Variants in FAT3 observed in about 807,000 individuals in gnomAD.
FAT3 encodes protocadherin Fat 3.
FAT3 carries 95 observed loss-of-function variants against 310.2 expected under a neutral mutation model. The observed-to-expected ratio is 0.31, with a 90% confidence interval of 0.26 to 0.36. The LOEUF is 0.36. FAT3 is among the 10% of genes least tolerant of loss of function. The pLI, the probability that FAT3 is intolerant of heterozygous loss-of-function variation, is 1.00. For missense variants in FAT3, 5,408 were observed against 5,715.6 expected, an observed-to-expected ratio of 0.95 and a Z score of 1.74; for synonymous variants, 2,314 against 2,192.9, an observed-to-expected ratio of 1.06 and a Z score of -1.54.
intron 1 of FAT3, among the ~76,000 whole-genome samples, chr11:92,245,315 G>T (rs1864854484): frequency 6.6e-6 from 1 of 151,916 alleles, no homozygotes; most frequent in African/African-American, 2.4e-5. Flanking sequence ...CACAGGGAGG[G>T]GAATATCACA....
intron 2 of FAT3, among the ~76,000 whole-genome samples, chr11:92,491,289 G>C (rs933149680): frequency 2.0e-5 from 3 of 151,924 alleles, no homozygotes; most frequent in Non-Finnish European, 4.4e-5. Flanking sequence ...CCATTTATTT[G>C]CCACAACTGG....
chr11:92,512,552 TATAA>T (rs1284865074), intron 2 of FAT3, among the ~76,000 whole-genome samples: 2 of 147,232 alleles, frequency 1.4e-5, no homozygotes, highest in Admixed American at 6.8e-5. Flanking sequence ...AATTTATATA[TATAA>T]ATATATATAA....
chr11:92,389,764 A>C (rs1282609910), intron 2 of FAT3, among the ~76,000 whole-genome samples: 3 of 152,204 alleles, frequency 2.0e-5, no homozygotes, highest in Non-Finnish European at 4.4e-5. Flanking sequence ...GCCGATGATC[A>C]CATGAGTGTC....
At position 92,891,773 on chromosome 11, in the gene FAT3, A is replaced by T. The variant is rs984187376; in HGVS notation, c.*660A>T. 1 of 152,802 alleles carries T rather than the reference A, an allele frequency of 6.5e-6. No homozygotes were observed. Among genetic ancestry groups the T allele is most frequent in the Non-Finnish European group, 1.5e-5 (1 of 68,506 alleles). The allele number at this position is 152,802 out of a possible 1,614,324, so 9.5% of individuals were successfully genotyped here. A position where few individuals can be genotyped will look rare whatever the true frequency, so the allele number is the denominator to read the frequency against. On this transcript the variant is annotated 3_prime_UTR_variant, in exon 28 of 28. Coordinates refer to ENST00000525166, the MANE Select transcript of FAT3 (RefSeq NM_001367949.2). Reference sequence around the variant, plus strand: ...AATATAGTTGGGTTTTATGATCTTCAAGAAAGGTATCAATGAAGAGCAACA... The same window carrying T: ...AATATAGTTGGGTTTTATGATCTTCTAGAAAGGTATCAATGAAGAGCAACA...
At chr11:92,622,452 C>T (rs1352590786) in intron 3 of FAT3, among the ~76,000 whole-genome samples, 2 of 152,126 alleles carry the variant, frequency 1.3e-5, no homozygotes, top group African/African-American at 2.4e-5. Flanking sequence ...GCATACAATA[C>T]TGTGTTTGTA....
In FAT3 at chr11:92,890,727, C is replaced by A. The variant is rs1410345794; in HGVS notation, c.13384C>A (p.Gln4462Lys). The A allele has an allele frequency of 6.2e-7, 1 of 1,613,500 alleles. No individual in the cohort carries two copies. The highest frequency in any genetic ancestry group is 8.5e-7 in the Non-Finnish European group (1 of 1,179,786). The change falls in exon 28 of 28, where the codon CAA (glutamine) becomes AAA (lysine). Residue 4462 changes from glutamine to lysine, a missense_variant. Gln to Lys is a moderately conservative substitution (Grantham distance 53). Around this residue, in one of 5 missense-constraint regions of FAT3, gnomAD observed 649 missense variants for 666.2 expected, o/e 0.97. Coordinates refer to ENST00000525166, the MANE Select transcript of FAT3 (RefSeq NM_001367949.2). ...PPPLPEDFPD[Q>K]YEALPPSQPV... ...TCCTCTCCCGGAGGACTTCCCAGAC[C>A]AATATGAGGCCCTGCCACCCTCCCA...
chr11:92,261,797 C>A (rs1565186546), intron 1 of FAT3, among the ~76,000 whole-genome samples: 1 of 152,046 alleles, frequency 6.6e-6, no homozygotes, highest in Non-Finnish European at 1.5e-5. Flanking sequence ...CTTTGAAATT[C>A]CAAACCAGTA....
At chr11:92,759,839 G>A (rs11020050) in intron 4 of FAT3, among the ~76,000 whole-genome samples, 114,353 of 151,990 alleles carry the variant, frequency 0.75, 44,125 homozygotes, top group Non-Finnish European at 0.83. Context: ...GCAGCCACCT[G>A]TCCCTGAAGC....
At chr11:92,240,303 CT>C (rs1204083471) in intron 1 of FAT3, among the ~76,000 whole-genome samples, 1 of 151,926 alleles carries the variant, frequency 6.6e-6, no homozygotes, top group Non-Finnish European at 1.5e-5. Flanking sequence ...TTTTCCTTTT[CT>C]TCTCCTTTTT....
intron 3 of FAT3, among the ~76,000 whole-genome samples, chr11:92,615,619 T>C (rs1349037048): frequency 6.6e-6 from 1 of 152,240 alleles, no homozygotes; most frequent in African/African-American, 2.4e-5. Flanking sequence ...CATTTAGTGC[T>C]ATAAATTTCC....
chr11:92,855,461 G>A (rs546063085), intron 19 of FAT3, among the ~76,000 whole-genome samples: 29 of 152,308 alleles, frequency 1.9e-4, no homozygotes, highest in Admixed American at 5.9e-4. Context: ...TTCTTGAGGT[G>A]AGAGAAAGGA....
At chr11:92,262,659 T>C (rs1865604935) in intron 1 of FAT3, among the ~76,000 whole-genome samples, 1 of 152,052 alleles carries the variant, frequency 6.6e-6, no homozygotes, top group Non-Finnish European at 1.5e-5. Flanking sequence ...AGAAAGAAAA[T>C]GGAAACAAGC....
chr11:92,630,485 ATG>A (rs1408587360), intron 3 of FAT3, among the ~76,000 whole-genome samples: 2 of 152,166 alleles, frequency 1.3e-5, no homozygotes, highest in African/African-American at 4.8e-5. Flanking sequence ...TGCTGAGTAT[ATG>A]TGTGTCTGGA....
rs1949708490 is a variant in FAT3 at position 92,882,955 on chromosome 11, A to T, written c.12499A>T (p.Ile4167Phe). The T allele has an allele frequency of 1.2e-5, 20 of 1,613,722 alleles. No individual in the cohort carries two copies. Among genetic ancestry groups the T allele is most frequent in the Non-Finnish European group, 1.7e-5 (20 of 1,179,782 alleles). Residue 4167 changes from isoleucine (I) to phenylalanine (F), a missense_variant, in exon 24 of 28, where the codon ATC becomes TTC. Around this residue, in one of 5 missense-constraint regions of FAT3, gnomAD observed 649 missense variants for 666.2 expected, o/e 0.97. Coordinates refer to ENST00000525166, the MANE Select transcript of FAT3 (RefSeq NM_001367949.2). ...GIAVVLFVIF[I>F]LVVLFIVFRK... ...CGCCGTGGTCCTCTTCGTCATCTTC[A>T]TCCTGGTGGTTCTCTTCATAGTCTT...
At chr11:92,879,055 G>GA (rs891936056) in intron 22 of FAT3, among the ~76,000 whole-genome samples, 18 of 147,054 alleles carry the variant, frequency 1.2e-4, no homozygotes, top group African/African-American at 2.8e-4. Flanking sequence ...AAAGAGAGGG[G>GA]AAAAAAAAAA....
Position 92,891,281 on chromosome 11 carries a change from C to A in FAT3, c.*168C>A, listed in dbSNP as rs889762107. Reference sequence around the variant, plus strand: ...CTGTCCCAACAAGCAAGCTTGATTCCAGTTGGGTGAAAATGAAAGGCTCAG... The same window carrying A: ...CTGTCCCAACAAGCAAGCTTGATTCAAGTTGGGTGAAAATGAAAGGCTCAG... On this transcript the variant is annotated 3_prime_UTR_variant, in exon 28 of 28. Coordinates refer to ENST00000525166, the MANE Select transcript of FAT3 (RefSeq NM_001367949.2). The A allele has an allele frequency of 2.1e-6, 2 of 941,808 alleles. No individual in the cohort carries two copies. Among genetic ancestry groups the A allele is most frequent in the Non-Finnish European group, 3.1e-6 (2 of 649,234 alleles). The allele number at this position is 941,808 out of a possible 1,614,324, so 58.3% of individuals were successfully genotyped here.
chr11:92,641,196 T>C (rs1278689441), intron 3 of FAT3, among the ~76,000 whole-genome samples: 2 of 152,140 alleles, frequency 1.3e-5, no homozygotes, highest in Non-Finnish European at 2.9e-5. Flanking sequence ...CCCTGTCCCC[T>C]ACCACACACA....
chr11:92,331,626 C>T (rs779145583), intron 1 of FAT3, among the ~76,000 whole-genome samples: 3 of 152,132 alleles, frequency 2.0e-5, no homozygotes, highest in Non-Finnish European at 2.9e-5. Flanking sequence ...TTAGATACTC[C>T]AGAACTGAGG....
chr11:92,644,519 C>T (rs1231893018), intron 3 of FAT3, among the ~76,000 whole-genome samples: 1 of 152,044 alleles, frequency 6.6e-6, no homozygotes, highest in Non-Finnish European at 1.5e-5. Flanking sequence ...TGGCCTTGTG[C>T]CTAAAATAAA....
Sources: gnomAD v4.1 joint callset for allele counts (sites outside exome capture counted in the v4.1 genomes callset) on GRCh38, gnomAD v4.1.1 for gene constraint, gnomAD v4.1.1 regional missense constraint, MANE v1.5 for transcripts, NCBI Gene and HGNC (gene_info 2026-07-23, HGNC 2026-07-21) for gene names.